The following MAP3K13 variants were observed in gnomAD, a reference collection of about 807,000 sequenced individuals.
MAP3K13 encodes leucine zipper-bearing kinase.
In MAP3K13, 52 loss-of-function variants were observed where a neutral mutation model predicts 104.0. The ratio of observed to expected loss-of-function variants is 0.50; its 90% CI spans 0.40 to 0.63. The LOEUF is 0.63. Ranked by LOEUF, MAP3K13 falls within the 20% of genes least tolerant of loss-of-function variation. The probability of loss-of-function intolerance (pLI) is 0.00; values close to 1 mark genes in which losing one functional copy is unlikely to be tolerated. For synonymous variants in MAP3K13, 394 were observed against 442.2 expected, an observed-to-expected ratio of 0.89 and a Z score of 1.37; for missense variants, 914 against 1,218.5, an observed-to-expected ratio of 0.75 and a Z score of 3.72.
At chr3:185,357,447 T>TAAAAAAAAAAAAAAAAAACAA (rs1723410759) in intron 2 of MAP3K13, among the ~76,000 whole-genome samples, 1 of 91,400 alleles carries the variant, frequency 1.1e-5, no homozygotes, top group Non-Finnish European at 2.2e-5. Context: ...AAACTCCATC[T>TAAAAAAAAAAAAAAAAAACAA]AAAAAAAAAA....
intron 2 of MAP3K13, among the ~76,000 whole-genome samples, chr3:185,325,072 G>A (rs902985997): frequency 1.3e-5 from 2 of 152,188 alleles, no homozygotes; most frequent in Non-Finnish European, 2.9e-5. Context: ...AATCTTGACT[G>A]TTCAATGTTT....
At chr3:185,414,262 A>G (rs1222141860) in intron 1 of MAP3K13, among the ~76,000 whole-genome samples, 2 of 152,228 alleles carry the variant, frequency 1.3e-5, no homozygotes, top group Non-Finnish European at 2.9e-5. Context: ...CATAATCTCA[A>G]TAAATGTTGT....
At chr3:185,380,201 A>G (rs1724639202) in intron 1 of MAP3K13, among the ~76,000 whole-genome samples, 1 of 146,598 alleles carries the variant, frequency 6.8e-6, no homozygotes, top group Non-Finnish European at 1.5e-5. Context: ...ACAAAACAAA[A>G]CAAAAAAACA....
rs566824809 is a variant in MAP3K13 at position 185,443,518 on chromosome 3, T to A, written c.733T>A (p.Leu245Ile). 1 of 1,614,118 alleles carries A rather than the reference T, an allele frequency of 6.2e-7. No individual in the cohort carries two copies. The highest frequency in any genetic ancestry group is 1.1e-5 in the South Asian group (1 of 91,086). The change falls in exon 4 of 14, where the codon TTA becomes ATA. Residue 245 changes from leucine to isoleucine, a missense_variant. By Grantham distance (5) the Leu-to-Ile change is conservative. Coordinates refer to ENST00000265026, the MANE Select transcript of MAP3K13 (RefSeq NM_004721.5). ...TGCCCATGGACAACTCTACGAGGTC[T>A]TACGAGCTGGCAGGAAGATCACACC... ...YCAHGQLYEV[L>I]RAGRKITPRL...
At chr3:185,436,484 T>C (rs1004808708) in intron 2 of MAP3K13, among the ~76,000 whole-genome samples, 1 of 152,184 alleles carries the variant, frequency 6.6e-6, no homozygotes, top group Non-Finnish European at 1.5e-5. Flanking sequence ...CTACCAGTTA[T>C]CAGTTATATG....
At chr3:185,311,121 C>CTCCAAGTCA (rs1721481332) in intron 2 of MAP3K13, among the ~76,000 whole-genome samples, 1 of 152,204 alleles carries the variant, frequency 6.6e-6, no homozygotes, top group Admixed American at 6.5e-5. Context: ...AATATTCCTA[C>CTCCAAGTCA]TCCAAGTCAT....
intron 1 of MAP3K13, among the ~76,000 whole-genome samples, chr3:185,398,837 T>G (rs1170950709): frequency 2.6e-5 from 4 of 152,250 alleles, no homozygotes; most frequent in Non-Finnish European, 1.5e-5. Context: ...AAATATACTC[T>G]GATATCCATG....
At chr3:185,289,824 C>A (rs983381146) in intron 2 of MAP3K13, among the ~76,000 whole-genome samples, 1 of 152,048 alleles carries the variant, frequency 6.6e-6, no homozygotes, top group African/African-American at 2.4e-5. Flanking sequence ...AGGAAGAATA[C>A]CTGAATTTTA....
intron 10 of MAP3K13, among the ~76,000 whole-genome samples, chr3:185,467,837 G>A (rs981316761): frequency 6.6e-6 from 1 of 151,478 alleles, no homozygotes; most frequent in Non-Finnish European, 1.5e-5. Flanking sequence ...AAGATAAAAG[G>A]TTTAATTGGC....
intron 2 of MAP3K13, among the ~76,000 whole-genome samples, chr3:185,317,967 A>C (rs2108691821): frequency 6.7e-6 from 1 of 148,710 alleles, no homozygotes; most frequent in South Asian, 2.2e-4. Context: ...ACTTTAAAGA[A>C]AAAAAAAAAA....
At chr3:185,306,097 C>T (rs1408692789) in intron 2 of MAP3K13, among the ~76,000 whole-genome samples, 1 of 152,150 alleles carries the variant, frequency 6.6e-6, no homozygotes, top group Non-Finnish European at 1.5e-5. Flanking sequence ...CATGTTGCTG[C>T]AAAGAACATG....
At chr3:185,382,743 G>A (rs1240178813) in intron 1 of MAP3K13, among the ~76,000 whole-genome samples, 2 of 152,134 alleles carry the variant, frequency 1.3e-5, no homozygotes, top group Admixed American at 6.5e-5. Flanking sequence ...GGTGGCTCAT[G>A]CCTGTAATCC....
At position 185,449,989 on chromosome 3, in the gene MAP3K13, G is replaced by A. The variant is rs1309300572; in HGVS notation, c.1100G>A (p.Ser367Asn). ...TCAGCCATTATCTGGGGTGTTGGAAGCAACAGCCTCCACCTTCCAGTTCCT... is the reference window on the plus strand; with the variant it reads ...TCAGCCATTATCTGGGGTGTTGGAAACAACAGCCTCCACCTTCCAGTTCCT... ...DSSAIIWGVG[S>N]NSLHLPVPST... is the part of the protein sequence containing the mutation. The change falls in exon 6 of 14, where the codon AGC becomes AAC. Residue 367 changes from serine (S) to asparagine (N), a missense_variant. Transcript: ENST00000265026. 6.2e-7 allele frequency: 1 copy of A among 1,613,496 alleles called. No individual in the cohort carries two copies. Among genetic ancestry groups the A allele is most frequent in the African/African-American group, 1.3e-5 (1 of 74,900 alleles).
intron 1 of MAP3K13, among the ~76,000 whole-genome samples, chr3:185,383,530 C>T (rs1360645815): frequency 1.3e-5 from 2 of 149,618 alleles, no homozygotes; most frequent in African/African-American, 2.5e-5. Context: ...CCACTGCACT[C>T]CAGCCTGGGC....
At chr3:185,339,337 A>G (rs532680146) in intron 2 of MAP3K13, among the ~76,000 whole-genome samples, 4 of 152,280 alleles carry the variant, frequency 2.6e-5, no homozygotes, top group Non-Finnish European at 5.9e-5. Flanking sequence ...ACTAAACTAA[A>G]CTAAAATAAT....
At chr3:185,378,055 G>C (rs573279875) in intron 1 of MAP3K13, among the ~76,000 whole-genome samples, 1 of 152,328 alleles carries the variant, frequency 6.6e-6, no homozygotes, top group Admixed American at 6.5e-5. Flanking sequence ...CAGGTGTTTG[G>C]AGTTCTTGTG....
intron 2 of MAP3K13, among the ~76,000 whole-genome samples, chr3:185,313,490 C>T (rs920160929): frequency 2.0e-5 from 3 of 151,762 alleles, no homozygotes; most frequent in Non-Finnish European, 2.9e-5. Flanking sequence ...AGGATGGTCT[C>T]GATGTCTTCA....
intron 2 of MAP3K13, among the ~76,000 whole-genome samples, chr3:185,347,981 C>T (rs541903514): frequency 2.3e-4 from 32 of 139,462 alleles, no homozygotes; most frequent in African/African-American, 8.4e-4. Flanking sequence ...CATTGCACTC[C>T]ATCCTGGGCA....
chr3:185,438,414 C>T (rs866480407), intron 3 of MAP3K13, among the ~76,000 whole-genome samples: 20 of 152,154 alleles, frequency 1.3e-4, no homozygotes, highest in Non-Finnish European at 2.8e-4. Flanking sequence ...CTGTTAGCAT[C>T]CCTTCTTAAA....
Sources: gnomAD v4.1 joint callset for allele counts (sites outside exome capture counted in the v4.1 genomes callset) on GRCh38, gnomAD v4.1.1 for gene constraint, MANE v1.5 for transcripts, NCBI Gene and HGNC (gene_info 2026-07-23, HGNC 2026-07-21) for gene names.